ADORA2B: variants seen among roughly 807,000 people sequenced by gnomAD.
ADORA2B encodes the protein adenosine A2b receptor, also known as adenosine receptor A2b.
ADORA2B carries 18 observed loss-of-function variants against 20.8 expected under a neutral mutation model. The observed-to-expected ratio is 0.87, with a 90% confidence interval of 0.60 to 1.29. ADORA2B has a LOEUF of 1.29. ADORA2B is among the 50% of genes most tolerant of loss of function. The pLI, the probability that ADORA2B is intolerant of heterozygous loss-of-function variation, is 0.00. For synonymous variants in ADORA2B, 179 were observed against 178.3 expected (o/e 1.00, Z -0.03); for missense variants, 441 against 422.7 (o/e 1.04, Z -0.38).
chr17:15,891,722 C>T, the ADORA2B span, among the ~76,000 whole-genome samples: 1 of 151,998 alleles, frequency 6.6e-6, no homozygotes, highest in East Asian at 1.9e-4. Flanking sequence ...CGCTTTGTCA[C>T]CCAGGGTGGA....
chr17:15,867,649 C>A, the ADORA2B span, among the ~76,000 whole-genome samples: 1 of 150,786 alleles, frequency 6.6e-6, no homozygotes, highest in Non-Finnish European at 1.5e-5. Context: ...CCCAGCCAGC[C>A]GCCCCATCCG....
intron 1 of ADORA2B, among the ~76,000 whole-genome samples, chr17:15,953,627 G>A (rs966281586): frequency 6.6e-6 from 1 of 151,332 alleles, no homozygotes; most frequent in African/African-American, 2.5e-5. Flanking sequence ...TGGACATTTC[G>A]GCCTGTGTTT....
At chr17:15,859,011 A>G in the ADORA2B span, among the ~76,000 whole-genome samples, 6 of 152,254 alleles carry the variant, frequency 3.9e-5, no homozygotes, top group East Asian at 1.2e-3. Context: ...TTTTAAAGAC[A>G]TAGGGTCTTG....
chr17:15,885,270 T>C, the ADORA2B span, among the ~76,000 whole-genome samples: 1 of 152,212 alleles, frequency 6.6e-6, no homozygotes, highest in East Asian at 1.9e-4. Flanking sequence ...GGGGTTGTTT[T>C]CTTCTTGTAA....
At chr17:15,961,372 G>T (rs1970040543) in intron 1 of ADORA2B, among the ~76,000 whole-genome samples, 1 of 152,050 alleles carries the variant, frequency 6.6e-6, no homozygotes, top group Non-Finnish European at 1.5e-5. Flanking sequence ...TTACATTCAG[G>T]TTAAACCTTT....
At chr17:15,937,624 G>A in the ADORA2B span, among the ~76,000 whole-genome samples, 1 of 151,322 alleles carries the variant, frequency 6.6e-6, no homozygotes. Context: ...CCAGGCTGGA[G>A]TGCAATGGCG....
chr17:15,854,511 C>T, the ADORA2B span, among the ~76,000 whole-genome samples: 5 of 152,170 alleles, frequency 3.3e-5, no homozygotes, highest in African/African-American at 1.2e-4. Flanking sequence ...CTACATCATA[C>T]GTCATACTTA....
chr17:15,947,577 T>C (rs1366147960), intron 1 of ADORA2B, among the ~76,000 whole-genome samples: 3 of 152,112 alleles, frequency 2.0e-5, no homozygotes, highest in African/African-American at 7.2e-5. Flanking sequence ...CGTCCAGAGC[T>C]TGGAGGTCTG....
At chr17:15,891,996 G>A in the ADORA2B span, among the ~76,000 whole-genome samples, 41 of 149,764 alleles carry the variant, frequency 2.7e-4, no homozygotes, top group African/African-American at 9.9e-4. Flanking sequence ...CTACAGGCAT[G>A]CACCACCATG....
chr17:15,968,947 C>T (rs1970153162), intron 1 of ADORA2B, among the ~76,000 whole-genome samples: 2 of 152,162 alleles, frequency 1.3e-5, no homozygotes, highest in African/African-American at 4.8e-5. Flanking sequence ...CGGTTCCTCC[C>T]CTGCCTCAGC....
chr17:15,964,787 C>G (rs8081235), intron 1 of ADORA2B, among the ~76,000 whole-genome samples: 1 of 150,832 alleles, frequency 6.6e-6, no homozygotes, highest in Non-Finnish European at 1.5e-5. Flanking sequence ...TCTGGCCGGG[C>G]GCGGTGGCTC....
the ADORA2B span, among the ~76,000 whole-genome samples, chr17:15,898,594 C>G: frequency 6.6e-6 from 1 of 151,888 alleles, no homozygotes; most frequent in Non-Finnish European, 1.5e-5. Context: ...GTCTCGAACT[C>G]CTGACTTCGT....
At chr17:15,922,576 G>T in the ADORA2B span, among the ~76,000 whole-genome samples, 1 of 152,202 alleles carries the variant, frequency 6.6e-6, no homozygotes, top group Non-Finnish European at 1.5e-5. Flanking sequence ...AACCAGGGCT[G>T]TCCCAAGCAA....
At chr17:15,965,178 A>G (rs1288755494) in intron 1 of ADORA2B, among the ~76,000 whole-genome samples, 2 of 152,264 alleles carry the variant, frequency 1.3e-5, no homozygotes, top group Non-Finnish European at 2.9e-5. Flanking sequence ...CTAGTGGTTT[A>G]TAAGCTGAAG....
chr17:15,926,031 C>A, the ADORA2B span, among the ~76,000 whole-genome samples: 5 of 151,912 alleles, frequency 3.3e-5, no homozygotes, highest in Admixed American at 3.3e-4. Flanking sequence ...ATTTTTTTCT[C>A]CAAAGCAATT....
chr17:15,898,614 G>A, the ADORA2B span, among the ~76,000 whole-genome samples: 409 of 152,052 alleles, frequency 2.7e-3, 1 homozygote, highest in African/African-American at 9.1e-3. Flanking sequence ...TGATCCACCC[G>A]CCTCAGCCTC....
the ADORA2B span, among the ~76,000 whole-genome samples, chr17:15,890,454 CCTTT>C: frequency 7.9e-5 from 9 of 113,814 alleles, 1 homozygote; most frequent in South Asian, 7.8e-4. Flanking sequence ...ATTTCTCATT[CCTTT>C]CTTTTATTTA....
intron 1 of ADORA2B, among the ~76,000 whole-genome samples, chr17:15,967,358 G>A (rs1221501616): frequency 6.6e-6 from 1 of 151,934 alleles, no homozygotes; most frequent in Non-Finnish European, 1.5e-5. Context: ...TCAGCCTCAT[G>A]AATAGCTGGG....
At chr17:15,965,014 C>A (rs1252705265) in intron 1 of ADORA2B, among the ~76,000 whole-genome samples, 2 of 152,090 alleles carry the variant, frequency 1.3e-5, no homozygotes, top group Non-Finnish European at 2.9e-5. Flanking sequence ...GAGCCGAGAT[C>A]GTGCCACTGC....
Sources: allele counts gnomAD v4.1 joint callset (sites outside exome capture counted in the v4.1 genomes callset), GRCh38; gene constraint gnomAD v4.1.1; transcripts MANE v1.5; gene names NCBI Gene and HGNC (gene_info 2026-07-23, HGNC 2026-07-21).